The following SOX5 variants were observed in gnomAD, a reference collection of about 807,000 sequenced individuals.
SOX5 encodes SRY-box transcription factor 5, also known as transcription factor SOX-5.
A neutral mutation model predicts 92.0 loss-of-function variants in SOX5; 9 were observed. That is an observed-to-expected ratio of 0.10 (90% CI 0.06 to 0.17). The LOEUF is 0.17. Ranked by LOEUF, SOX5 falls within the 10% of genes least tolerant of loss-of-function variation. SOX5 has a pLI of 1.00. For synonymous variants in SOX5, 344 were observed against 336.3 expected (o/e 1.02, Z -0.25); for missense variants, 642 against 944.5 (o/e 0.68, Z 4.20).
chr12:24,081,495 A>T (rs1458474097), intron 4 of SOX5, among the ~76,000 whole-genome samples: 1 of 151,998 alleles, frequency 6.6e-6, no homozygotes, highest in Non-Finnish European at 1.5e-5. Context: ...CTGGAACACT[A>T]AAGGAAAAGT....
chr12:23,838,124 A>C (rs1224610130), intron 3 of SOX5, among the ~76,000 whole-genome samples: 1 of 140,658 alleles, frequency 7.1e-6, no homozygotes, highest in African/African-American at 2.6e-5. Context: ...ATATTTATAC[A>C]ACATATATTT....
intron 3 of SOX5, among the ~76,000 whole-genome samples, chr12:23,785,317 TA>T (rs1280101599): frequency 6.6e-6 from 1 of 152,198 alleles, no homozygotes; most frequent in African/African-American, 2.4e-5. Flanking sequence ...CTACCTTAAA[TA>T]CCTAATTTTT....
chr12:24,319,774 C>A lies in SOX5; in HGVS notation c.-173-42462G>T, dbSNP rs548601946. Among the ~76,000 whole-genome samples, 6 of 152,264 alleles carry A rather than the reference C, an allele frequency of 3.9e-5. No homozygotes were observed. In the South Asian group the frequency reaches 1.2e-3, roughly 32 times the overall value. On this transcript the variant is annotated intron_variant, in intron 2 of 4. Coordinates refer to the SOX5 transcript ENST00000446891. Reference sequence around the variant, plus strand: ...GAGAAGCTAGTTAGAGTCCCTCTTTCATCTCCTAAGGCCATCATCTTGCAC... The same window carrying A: ...GAGAAGCTAGTTAGAGTCCCTCTTTAATCTCCTAAGGCCATCATCTTGCAC...
In SOX5 at chr12:24,023,995, C is replaced by T. The variant is rs77160306; in HGVS notation, c.-1-127971G>A. Among the ~76,000 whole-genome samples the T allele has an allele frequency of 9.2e-3, 1,405 of 152,044 alleles. 15 individuals carry two copies. Among genetic ancestry groups the T allele is most frequent in the Admixed American group, 0.017 (253 of 15,226 alleles). On this transcript the variant is annotated intron_variant, in intron 4 of 4. Coordinates refer to the SOX5 transcript ENST00000446891. ...TCATATGTAAAGTGGTAGAACCATGCTTTTGAAATCCAGAGTCTCAGATTT... is the reference window on the plus strand; with the variant it reads ...TCATATGTAAAGTGGTAGAACCATGTTTTTGAAATCCAGAGTCTCAGATTT...
intron 1 of SOX5, among the ~76,000 whole-genome samples, chr12:24,404,667 C>T (rs1167639365): frequency 7.2e-5 from 11 of 152,116 alleles, no homozygotes; most frequent in Non-Finnish European, 5.9e-5. Context: ...AGAAAGAATG[C>T]GAGCTACAGA....
At chr12:23,680,863 A>C (rs1284538317) in intron 6 of SOX5, among the ~76,000 whole-genome samples, 1 of 151,744 alleles carries the variant, frequency 6.6e-6, no homozygotes, top group Admixed American at 6.6e-5. Flanking sequence ...ATATGTTTCC[A>C]GTAAACACTT....
chr12:24,140,290 T>A (rs141411183), intron 4 of SOX5, among the ~76,000 whole-genome samples: 1 of 152,100 alleles, frequency 6.6e-6, no homozygotes, highest in Non-Finnish European at 1.5e-5. Context: ...GGAAGTGATG[T>A]TCAGAAAAAA....
intron 6 of SOX5, among the ~76,000 whole-genome samples, chr12:23,704,532 G>A (rs906483054): frequency 2.0e-5 from 3 of 151,024 alleles, no homozygotes; most frequent in Non-Finnish European, 4.4e-5. Flanking sequence ...ATAAGGTGAG[G>A]GTGACGTATA....
At chr12:24,121,195 G>C (rs1270378639) in intron 4 of SOX5, among the ~76,000 whole-genome samples, 7 of 152,130 alleles carry the variant, frequency 4.6e-5, no homozygotes, top group Non-Finnish European at 7.3e-5. Context: ...AATGGCTCCA[G>C]GTTACAGAAA....
chr12:24,038,229 G>A (rs1258103116), intron 4 of SOX5, among the ~76,000 whole-genome samples: 2 of 152,158 alleles, frequency 1.3e-5, no homozygotes, highest in Non-Finnish European at 2.9e-5. Context: ...AGAGTAAAAC[G>A]TGTATCTTGG....
At chr12:24,524,368 T>TATCC (rs1950515276) in intron 1 of SOX5, among the ~76,000 whole-genome samples, 1 of 151,908 alleles carries the variant, frequency 6.6e-6, no homozygotes, top group African/African-American at 2.4e-5. Flanking sequence ...TCTATCTATC[T>TATCC]ATCTATCTAT....
chr12:23,848,572 G>A (rs1047056975), intron 2 of SOX5, among the ~76,000 whole-genome samples: 7 of 152,152 alleles, frequency 4.6e-5, no homozygotes, highest in African/African-American at 1.7e-4. Context: ...CATTTGCATG[G>A]TGAATAGCTT....
At position 23,917,322 on chromosome 12, in the gene SOX5, C is replaced by T. The variant is rs1264069108; in HGVS notation, c.39-21298G>A. Reference sequence around the variant, plus strand: ...TTGGGAGGCTGAGGCGGGCAAATCACATGATGCCAAGAGTTCGAGACCAGC... The same window carrying T: ...TTGGGAGGCTGAGGCGGGCAAATCATATGATGCCAAGAGTTCGAGACCAGC... On this transcript the variant is annotated intron_variant, in intron 1 of 14. Transcript: ENST00000451604. Among the ~76,000 whole-genome samples, 3 of 152,238 alleles carry T rather than the reference C, an allele frequency of 2.0e-5. 1 individual carries two copies. The highest frequency in any genetic ancestry group is 3.9e-4 in the East Asian group (2 of 5,168).
intron 2 of SOX5, among the ~76,000 whole-genome samples, chr12:23,876,114 C>G (rs953581956): frequency 6.6e-6 from 1 of 152,130 alleles, no homozygotes; most frequent in African/African-American, 2.4e-5. Flanking sequence ...ATTCCCTAAA[C>G]TAACTCTTTT....
intron 4 of SOX5, among the ~76,000 whole-genome samples, chr12:24,057,940 GA>G (rs1958295005): frequency 6.6e-6 from 1 of 152,148 alleles, no homozygotes; most frequent in African/African-American, 2.4e-5. Flanking sequence ...TTTGCGAAGA[GA>G]AAAATACACA....
intron 4 of SOX5, among the ~76,000 whole-genome samples, chr12:24,104,033 C>T (rs1281749437): frequency 1.3e-5 from 2 of 152,112 alleles, no homozygotes; most frequent in Non-Finnish European, 2.9e-5. Context: ...AGTTTTGAGT[C>T]TATTTTATAA....
At chr12:24,008,350 A>G (rs544504749) in intron 4 of SOX5, among the ~76,000 whole-genome samples, 1 of 152,238 alleles carries the variant, frequency 6.6e-6, no homozygotes, top group South Asian at 2.1e-4. Flanking sequence ...GACTATTATG[A>G]TTGTTTCTGC....
intron 1 of SOX5, among the ~76,000 whole-genome samples, chr12:24,482,667 A>G (rs1008820014): frequency 1.2e-4 from 18 of 152,226 alleles, no homozygotes; most frequent in African/African-American, 4.3e-4. Flanking sequence ...ATTCTATAAA[A>G]TGTATATTTC....
At chr12:24,456,980 C>T (rs1036887279) in intron 1 of SOX5, among the ~76,000 whole-genome samples, 1 of 152,150 alleles carries the variant, frequency 6.6e-6, no homozygotes, top group Admixed American at 6.5e-5. Flanking sequence ...CAATGTCATC[C>T]CTTAACTAGG....
Sources: gnomAD v4.1 joint callset for allele counts (sites outside exome capture counted in the v4.1 genomes callset) on GRCh38, gnomAD v4.1.1 for gene constraint, MANE v1.5 for transcripts, NCBI Gene and HGNC (gene_info 2026-07-23, HGNC 2026-07-21) for gene names.